Variants in CAP2 observed in about 807,000 individuals in gnomAD.
CAP2 encodes adenylyl cyclase-associated protein 2.
Under a neutral mutation model 57.7 loss-of-function variants are expected in CAP2, and 24 were observed. That is an observed-to-expected ratio of 0.42 (90% CI 0.30 to 0.58). CAP2 has a LOEUF of 0.58. Ranked by LOEUF, CAP2 falls within the 20% of genes least tolerant of loss-of-function variation. The pLI is 0.22. For missense variants in CAP2, 501 were observed against 590.3 expected (o/e 0.85, Z 1.57); for synonymous variants, 194 against 207.2 (o/e 0.94, Z 0.55).
chr6:17,490,453 A>T (rs1761517276), intron 4 of CAP2, among the ~76,000 whole-genome samples: 1 of 152,198 alleles, frequency 6.6e-6, no homozygotes, highest in African/African-American at 2.4e-5. Context: ...TAGACACCAT[A>T]TGGATTTCTT....
intron 7 of CAP2, chr6:17,531,424 C>T (rs527469209): frequency 3.4e-5 from 54 of 1,592,980 alleles, no homozygotes; most frequent in African/African-American, 2.1e-4. Context: ...TTGCCATCCT[C>T]GCCATTTGAA....
At position 17,541,200 on chromosome 6, in the gene CAP2, C is replaced by CCAA. The variant is rs1231479112; in HGVS notation, c.1002+55_1002+57dup. 15 of 1,391,942 alleles carry CCAA rather than the reference C, an allele frequency of 1.1e-5. No homozygotes were observed. In the African/African-American group the frequency reaches 2.2e-4, roughly 20 times the overall value. The allele number at this position is 1,391,942 out of a possible 1,614,324, so 86.2% of individuals were successfully genotyped here. On this transcript the variant is annotated intron_variant, in intron 9 of 12. Coordinates refer to ENST00000229922, the MANE Select transcript of CAP2 (RefSeq NM_006366.3). ...TTCCTGACATGCGCCAATGAAAGGA[C>CCAA]CAACAGCCAAACCATTTACCAAGAT...
chr6:17,430,731 G>A (rs1365606327), intron 3 of CAP2, among the ~76,000 whole-genome samples: 4 of 152,064 alleles, frequency 2.6e-5, no homozygotes, highest in African/African-American at 9.7e-5. Context: ...TAGAGACGGG[G>A]TTTTACCATG....
At chr6:17,463,112 T>A (rs373704137) in intron 4 of CAP2, 39 bp downstream of exon 4, 3 of 1,426,734 alleles carry the variant, frequency 2.1e-6, no homozygotes, top group African/African-American at 2.8e-5. Flanking sequence ...TCCCAGGGTA[T>A]GCGCAGTGTA....
chr6:17,395,610 G>A (rs1450648969), intron 1 of CAP2, among the ~76,000 whole-genome samples: 1 of 152,132 alleles, frequency 6.6e-6, no homozygotes, highest in Non-Finnish European at 1.5e-5. Flanking sequence ...TTATACCTTG[G>A]CAGTTAAGTT....
At chr6:17,529,174 C>T (rs955190268) in intron 7 of CAP2, among the ~76,000 whole-genome samples, 6 of 152,128 alleles carry the variant, frequency 3.9e-5, no homozygotes, top group African/African-American at 1.4e-4. Flanking sequence ...TTTATGTGCA[C>T]CTTTTTACTT....
intron 1 of CAP2, among the ~76,000 whole-genome samples, chr6:17,405,009 CT>C (rs1257152351): frequency 1.3e-5 from 2 of 152,240 alleles, no homozygotes; most frequent in East Asian, 3.9e-4. Flanking sequence ...CTAAGACCCC[CT>C]GTTGATGCCT....
intron 7 of CAP2, among the ~76,000 whole-genome samples, chr6:17,535,921 G>A (rs148073226): frequency 6.6e-6 from 1 of 151,914 alleles, no homozygotes; most frequent in Non-Finnish European, 1.5e-5. Flanking sequence ...CAGCCTAGTC[G>A]TCTTTGGAAT....
At chr6:17,430,898 A>T (rs80182282) in intron 3 of CAP2, among the ~76,000 whole-genome samples, 5,089 of 152,288 alleles carry the variant, frequency 0.033, 297 homozygotes, top group African/African-American at 0.11. Context: ...AACTGATCTC[A>T]GGTCTATTTC....
intron 4 of CAP2, among the ~76,000 whole-genome samples, chr6:17,482,255 G>A (rs1271367966): frequency 1.3e-5 from 2 of 152,058 alleles, no homozygotes; most frequent in Admixed American, 6.5e-5. Flanking sequence ...GGCTGGGCGC[G>A]GTGGCTCACG....
chr6:17,506,146 G>A (rs894033311), intron 4 of CAP2, among the ~76,000 whole-genome samples: 3 of 151,968 alleles, frequency 2.0e-5, no homozygotes, highest in African/African-American at 4.8e-5. Context: ...CGATCTTCCC[G>A]CCTAAGCCTC....
At chr6:17,522,541 A>G (rs1333765238) in intron 7 of CAP2, among the ~76,000 whole-genome samples, 1 of 152,182 alleles carries the variant, frequency 6.6e-6, no homozygotes, top group East Asian at 1.9e-4. Flanking sequence ...CTTGATTTGG[A>G]TCTTGACGGT....
At position 17,470,040 on chromosome 6, in the gene CAP2, G is replaced by A. The variant is rs906631071; in HGVS notation, c.300+6967G>A. ...TAATAAAACATATTAATTTGTGAGG[G>A]TTGTCAAGAGCAGAAACTTTGGACT... On this transcript the variant is annotated intron_variant, in intron 4 of 12. Coordinates refer to ENST00000229922, the MANE Select transcript of CAP2 (RefSeq NM_006366.3). Among the ~76,000 whole-genome samples the A allele has an allele frequency of 7.2e-5, 11 of 152,316 alleles. No homozygotes were observed. The South Asian group carries it at 1.0e-3, about 14-fold the overall frequency.
At chr6:17,499,749 G>T (rs1263094668) in intron 4 of CAP2, among the ~76,000 whole-genome samples, 1 of 151,938 alleles carries the variant, frequency 6.6e-6, no homozygotes, top group East Asian at 1.9e-4. Flanking sequence ...CACCTGGGAG[G>T]GTGAGGCTGG....
chr6:17,457,850 C>G (rs1760616965), intron 3 of CAP2, among the ~76,000 whole-genome samples: 1 of 152,192 alleles, frequency 6.6e-6, no homozygotes, highest in South Asian at 2.1e-4. Flanking sequence ...CTTGGGATAA[C>G]TACAAAAATA....
intron 3 of CAP2, among the ~76,000 whole-genome samples, chr6:17,447,753 C>T (rs2113573441): frequency 6.6e-6 from 1 of 152,348 alleles, no homozygotes; most frequent in East Asian, 1.9e-4. Flanking sequence ...CTGCCTTAGC[C>T]TCCCAAAGTG....
intron 3 of CAP2, among the ~76,000 whole-genome samples, chr6:17,432,154 G>T (rs985980435): frequency 6.6e-6 from 1 of 152,066 alleles, no homozygotes; most frequent in East Asian, 1.9e-4. Context: ...CTTATCTCTG[G>T]AATAAATAAT....
chr6:17,450,521 A>G (rs529598963), intron 3 of CAP2, among the ~76,000 whole-genome samples: 3 of 152,344 alleles, frequency 2.0e-5, no homozygotes, highest in African/African-American at 7.2e-5. Flanking sequence ...GGATGTAGAA[A>G]AGACACATTG....
At chr6:17,484,095 C>A (rs1761362113) in intron 4 of CAP2, among the ~76,000 whole-genome samples, 1 of 152,040 alleles carries the variant, frequency 6.6e-6, no homozygotes, top group East Asian at 1.9e-4. Context: ...AATGAAAGAC[C>A]ACGGACTCCC....
Sources: gnomAD v4.1 joint callset for allele counts (sites outside exome capture counted in the v4.1 genomes callset) on GRCh38, gnomAD v4.1.1 for gene constraint, MANE v1.5 for transcripts, NCBI Gene and HGNC (gene_info 2026-07-23, HGNC 2026-07-21) for gene names.